Variants in ANO6 observed in about 807,000 individuals in gnomAD.
ANO6 encodes the protein anoctamin-6.
In ANO6, 106 loss-of-function variants were observed where a neutral mutation model predicts 117.5. That is an observed-to-expected ratio of 0.90 (90% CI 0.77 to 1.06). The LOEUF (loss-of-function observed/expected upper bound fraction) is 1.06. ANO6 is among the 50% of genes least tolerant of loss of function. The pLI is 0.00. For synonymous variants in ANO6, 367 were observed against 385.1 expected (o/e 0.95, Z 0.55); for missense variants, 955 against 1,121.1 (o/e 0.85, Z 2.12).
chr12:45,394,927 T>C (rs1006863973), intron 12 of ANO6, among the ~76,000 whole-genome samples: 12 of 152,174 alleles, frequency 7.9e-5, no homozygotes, highest in African/African-American at 2.9e-4. Flanking sequence ...ACATCATAAT[T>C]AAAAGAACTA....
chr12:45,342,166 C>T (rs1940998384), intron 3 of ANO6, among the ~76,000 whole-genome samples: 1 of 152,094 alleles, frequency 6.6e-6, no homozygotes, highest in African/African-American at 2.4e-5. Context: ...AAAACCAAAA[C>T]TGCAAGAGCT....
chr12:45,313,773 A>G (rs180816107), intron 2 of ANO6, among the ~76,000 whole-genome samples: 104 of 152,270 alleles, frequency 6.8e-4, no homozygotes, highest in Non-Finnish European at 1.2e-3. Flanking sequence ...AGCACAACCT[A>G]TCAATAAATA....
intron 1 of ANO6, among the ~76,000 whole-genome samples, chr12:45,295,499 C>T (rs535555922): frequency 5.3e-5 from 8 of 152,230 alleles, no homozygotes; most frequent in East Asian, 3.9e-4. Flanking sequence ...AAGCATGAAG[C>T]GACGGGAAAT....
chr12:45,360,382 C>G (rs7136295), intron 8 of ANO6, among the ~76,000 whole-genome samples: 58,540 of 152,032 alleles, frequency 0.39, 11,709 homozygotes, highest in South Asian at 0.54. Flanking sequence ...GAGAACTCCC[C>G]TCATCAACTC....
chr12:45,305,867 G>A (rs1472230842), intron 2 of ANO6, among the ~76,000 whole-genome samples: 1 of 152,044 alleles, frequency 6.6e-6, no homozygotes, highest in Non-Finnish European at 1.5e-5. Context: ...AGTCATGGCG[G>A]GCCCATTAGA....
At chr12:45,219,909 C>G (rs1168825381) in intron 1 of ANO6, among the ~76,000 whole-genome samples, 1 of 152,130 alleles carries the variant, frequency 6.6e-6, no homozygotes, top group Non-Finnish European at 1.5e-5. Context: ...GTTTGAAGCC[C>G]CTGTTGTGCT....
intron 7 of ANO6, among the ~76,000 whole-genome samples, chr12:45,351,708 C>CCA (rs1941285302): frequency 6.6e-6 from 1 of 152,058 alleles, no homozygotes; most frequent in Non-Finnish European, 1.5e-5. Context: ...CCCTGAGATG[C>CCA]ACACACATTT....
At chr12:45,277,543 T>C (rs970283637) in intron 1 of ANO6, among the ~76,000 whole-genome samples, 3 of 152,214 alleles carry the variant, frequency 2.0e-5, no homozygotes, top group African/African-American at 7.2e-5. Context: ...CCTACATTTA[T>C]GTCTTATTTT....
intron 2 of ANO6, among the ~76,000 whole-genome samples, chr12:45,322,064 C>T (rs543003409): frequency 6.6e-6 from 1 of 152,120 alleles, no homozygotes; most frequent in Admixed American, 6.6e-5. Flanking sequence ...ATGACTTTTG[C>T]ACCATCATTG....
chr12:45,431,992 T>TAA lies in ANO6; in HGVS notation c.*2683_*2684dup. 2.0e-6 allele frequency: 2 copies of TAA among 985,386 alleles called. No homozygotes were observed. Among genetic ancestry groups the TAA allele is most frequent in the Non-Finnish European group, 2.4e-6 (2 of 829,868 alleles). 61.0% of individuals were successfully genotyped at this position (985,386 alleles called of 1,614,324 possible). A position where few individuals can be genotyped will look rare whatever the true frequency, so the allele number is the denominator to read the frequency against. Reference sequence around the variant, plus strand: ...AAAGCTATCATTTTTATTTTAAAACTAAACAAGGCCATCTTATAAACTGTC... The same window carrying TAA: ...AAAGCTATCATTTTTATTTTAAAACTAAAAACAAGGCCATCTTATAAACTGTC... On this transcript the variant is annotated 3_prime_UTR_variant, in exon 20 of 20. Transcript: ENST00000320560.
chr12:45,289,793 G>T (rs1939036995), intron 1 of ANO6, among the ~76,000 whole-genome samples: 1 of 152,180 alleles, frequency 6.6e-6, no homozygotes, highest in South Asian at 2.1e-4. Context: ...TTTTTCATTT[G>T]AAGGTAATTG....
intron 3 of ANO6, among the ~76,000 whole-genome samples, chr12:45,333,693 A>G (rs902437842): frequency 6.6e-6 from 1 of 151,994 alleles, no homozygotes; most frequent in Admixed American, 6.6e-5. Flanking sequence ...TTCAGACTGT[A>G]TTTGCACATA....
intron 12 of ANO6, among the ~76,000 whole-genome samples, chr12:45,399,441 G>A (rs1046171975): frequency 2.0e-5 from 3 of 151,960 alleles, no homozygotes; most frequent in Non-Finnish European, 4.4e-5. Context: ...TGATCTGCCC[G>A]CCGCAGCCCC....
At chr12:45,425,308 A>T (rs1357248879) in intron 19 of ANO6, among the ~76,000 whole-genome samples, 2 of 152,188 alleles carry the variant, frequency 1.3e-5, no homozygotes, top group African/African-American at 2.4e-5. Context: ...TATGAAAGAG[A>T]TGTTAAGTGA....
chr12:45,342,712 G>T (rs1452280883), intron 3 of ANO6, among the ~76,000 whole-genome samples: 1 of 152,144 alleles, frequency 6.6e-6, no homozygotes, highest in African/African-American at 2.4e-5. Context: ...GACATTTATT[G>T]TGTGCTTACT....
intron 3 of ANO6, among the ~76,000 whole-genome samples, chr12:45,332,699 G>A (rs1263938671): frequency 6.6e-6 from 1 of 151,990 alleles, no homozygotes; most frequent in South Asian, 2.1e-4. Flanking sequence ...TTGGGGTTGG[G>A]CCTCTGTCCT....
At chr12:45,392,999 A>C (rs1448465533) in intron 12 of ANO6, among the ~76,000 whole-genome samples, 9 of 152,248 alleles carry the variant, frequency 5.9e-5, no homozygotes, top group Admixed American at 5.9e-4. Context: ...AATGACTTTG[A>C]CAAGTTGACA....
At chr12:45,311,797 T>C (rs1301302124) in intron 2 of ANO6, among the ~76,000 whole-genome samples, 1 of 152,042 alleles carries the variant, frequency 6.6e-6, no homozygotes, top group African/African-American at 2.4e-5. Context: ...ACATGACAAT[T>C]GGCAATTTCT....
intron 2 of ANO6, among the ~76,000 whole-genome samples, chr12:45,327,910 C>T (rs1940525829): frequency 6.6e-6 from 1 of 152,026 alleles, no homozygotes; most frequent in Non-Finnish European, 1.5e-5. Context: ...TCACGGTGAA[C>T]AAGCCAGACC....
Sources: allele counts gnomAD v4.1 joint callset (sites outside exome capture counted in the v4.1 genomes callset), GRCh38; gene constraint gnomAD v4.1.1; transcripts MANE v1.5; gene names NCBI Gene and HGNC (gene_info 2026-07-23, HGNC 2026-07-21).